The following SGMS1 variants were observed in gnomAD, a reference collection of about 807,000 sequenced individuals.
The protein encoded by SGMS1 is phosphatidylcholine:ceramide cholinephosphotransferase 1.
In SGMS1, 13 loss-of-function variants were observed where a neutral mutation model predicts 46.2. The observed-to-expected ratio is 0.28, with a 90% CI of 0.18 to 0.45. The LOEUF (loss-of-function observed/expected upper bound fraction) is 0.45. Ranked by LOEUF, SGMS1 falls within the 20% of genes least tolerant of loss-of-function variation. SGMS1 has a pLI of 1.00. For missense variants in SGMS1, 324 were observed against 519.9 expected (o/e 0.62, Z 3.66); for synonymous variants, 203 against 187.8 (o/e 1.08, Z -0.66).
At chr10:50,540,168 G>T (rs1395170494) in intron 2 of SGMS1, among the ~76,000 whole-genome samples, 1 of 152,154 alleles carries the variant, frequency 6.6e-6, no homozygotes, top group Non-Finnish European at 1.5e-5. Flanking sequence ...TCAATACAAG[G>T]ACCTAAACAT....
chr10:50,520,148 G>C (rs1837845038), intron 2 of SGMS1, among the ~76,000 whole-genome samples: 2 of 152,174 alleles, frequency 1.3e-5, no homozygotes. Flanking sequence ...TCAGCACTTT[G>C]GGAGGCTGAG....
At chr10:50,573,610 T>C (rs1460898032) in intron 2 of SGMS1, among the ~76,000 whole-genome samples, 1 of 152,170 alleles carries the variant, frequency 6.6e-6, no homozygotes, top group Non-Finnish European at 1.5e-5. Context: ...ACAGTTTCAA[T>C]GCAATCCTGA....
At chr10:50,308,169 C>T (rs990585979) in intron 9 of SGMS1, 21 bp from the exon 10 acceptor site, 9 of 1,605,826 alleles carry the variant, frequency 5.6e-6, no homozygotes, top group Non-Finnish European at 7.7e-6. Context: ...GAGAGATTTG[C>T]AATAGTCCCA....
chr10:50,520,326 G>C (rs1338376955), intron 2 of SGMS1, among the ~76,000 whole-genome samples: 1 of 152,020 alleles, frequency 6.6e-6, no homozygotes, highest in Non-Finnish European at 1.5e-5. Flanking sequence ...GGAGGTGGAG[G>C]CTGCAGTGCG....
intron 3 of SGMS1, among the ~76,000 whole-genome samples, chr10:50,491,715 T>G (rs1837569677): frequency 6.6e-6 from 1 of 152,148 alleles, no homozygotes; most frequent in South Asian, 2.1e-4. Flanking sequence ...CCAGACAGAT[T>G]CACAGCTGAA....
intron 3 of SGMS1, among the ~76,000 whole-genome samples, chr10:50,502,986 G>A (rs1197498395): frequency 3.3e-5 from 5 of 152,280 alleles, no homozygotes; most frequent in African/African-American, 1.2e-4. Flanking sequence ...AACCATGACC[G>A]ATACAAAAAA....
At chr10:50,461,750 A>C (rs1434379169) in intron 4 of SGMS1, among the ~76,000 whole-genome samples, 1 of 152,160 alleles carries the variant, frequency 6.6e-6, no homozygotes, top group Non-Finnish European at 1.5e-5. Context: ...GAGCCAACTA[A>C]CAGGCTTAAT....
intron 1 of SGMS1, among the ~76,000 whole-genome samples, chr10:50,595,462 C>T (rs886226011): frequency 3.9e-5 from 6 of 152,184 alleles, no homozygotes; most frequent in African/African-American, 1.4e-4. Context: ...CAGGCATGAG[C>T]CACCATGCCC....
chr10:50,397,488 C>T (rs562437946), intron 6 of SGMS1, among the ~76,000 whole-genome samples: 1 of 152,302 alleles, frequency 6.6e-6, no homozygotes, highest in South Asian at 2.1e-4. Flanking sequence ...TAGCAACATC[C>T]TGGCTACACA....
intron 6 of SGMS1, among the ~76,000 whole-genome samples, chr10:50,363,745 A>C (rs1035577561): frequency 3.3e-5 from 5 of 152,220 alleles, no homozygotes; most frequent in African/African-American, 1.2e-4. Flanking sequence ...AGATTTTAAG[A>C]AAAAAGACTT....
intron 3 of SGMS1, among the ~76,000 whole-genome samples, chr10:50,500,499 TC>T (rs776740167): frequency 9.9e-5 from 15 of 152,236 alleles, no homozygotes; most frequent in Non-Finnish European, 2.1e-4. Context: ...TAATTCACCA[TC>T]AAAACACTTC....
chr10:50,397,230 G>C (rs1430493788), intron 6 of SGMS1, among the ~76,000 whole-genome samples: 1 of 152,116 alleles, frequency 6.6e-6, no homozygotes, highest in Non-Finnish European at 1.5e-5. Context: ...TTAGACAGAG[G>C]ACTCACTCAG....
intron 3 of SGMS1, among the ~76,000 whole-genome samples, chr10:50,512,362 C>A (rs1394407334): frequency 6.6e-6 from 1 of 152,158 alleles, no homozygotes; most frequent in Non-Finnish European, 1.5e-5. Flanking sequence ...TCTCTGTCTT[C>A]ATGACTTTGT....
intron 6 of SGMS1, among the ~76,000 whole-genome samples, chr10:50,394,276 T>G (rs1848813739): frequency 6.6e-6 from 1 of 152,088 alleles, no homozygotes; most frequent in South Asian, 2.1e-4. Context: ...ATCTGAAGAG[T>G]CTTAGCGTTT....
chr10:50,538,647 C>T (rs570642564), intron 2 of SGMS1, among the ~76,000 whole-genome samples: 6 of 152,234 alleles, frequency 3.9e-5, no homozygotes, highest in Admixed American at 3.3e-4. Context: ...TGTTCCCACA[C>T]ATTTCAAAAC....
chr10:50,493,133 A>C (rs910911454), intron 3 of SGMS1, among the ~76,000 whole-genome samples: 16 of 152,228 alleles, frequency 1.1e-4, no homozygotes, highest in African/African-American at 3.9e-4. Flanking sequence ...AAACAAAAGA[A>C]ACAGAATAGA....
At chr10:50,572,035 C>T (rs1838341000) in intron 2 of SGMS1, among the ~76,000 whole-genome samples, 1 of 152,128 alleles carries the variant, frequency 6.6e-6, no homozygotes, top group Non-Finnish European at 1.5e-5. Context: ...TATCTTGTAA[C>T]AGTTCTGACA....
intron 2 of SGMS1, among the ~76,000 whole-genome samples, chr10:50,558,111 A>G (rs1281965457): frequency 6.6e-6 from 1 of 152,202 alleles, no homozygotes; most frequent in East Asian, 1.9e-4. Context: ...TCACACTGCA[A>G]CTAAGTGGCA....
intron 3 of SGMS1, among the ~76,000 whole-genome samples, chr10:50,469,166 C>T (rs1328590099): frequency 5.3e-5 from 8 of 152,220 alleles, no homozygotes; most frequent in Non-Finnish European, 1.0e-4. Context: ...ACCATAACAG[C>T]TCTGCCTTAA....
Sources: gnomAD v4.1 joint callset for allele counts (sites outside exome capture counted in the v4.1 genomes callset) on GRCh38, gnomAD v4.1.1 for gene constraint, MANE v1.5 for transcripts, NCBI Gene and HGNC (gene_info 2026-07-23, HGNC 2026-07-21) for gene names.